CTTNBP2: variants seen among roughly 807,000 people sequenced by gnomAD.
The protein encoded by CTTNBP2 is cortactin-binding protein 2.
CTTNBP2 carries 108 observed loss-of-function variants against 156.9 expected under a neutral mutation model. That is an observed-to-expected ratio of 0.69 (90% CI 0.59 to 0.81). CTTNBP2 has a LOEUF of 0.81. Ranked by LOEUF, CTTNBP2 falls within the 30% of genes least tolerant of loss-of-function variation. CTTNBP2 has a pLI of 0.00. For synonymous variants in CTTNBP2, 767 were observed against 751.8 expected, an observed-to-expected ratio of 1.02 and a Z score of -0.33; for missense variants, 1,924 against 2,035.4, an observed-to-expected ratio of 0.95 and a Z score of 1.05.
At chr7:117,788,672 G>A (rs1210434882) in intron 4 of CTTNBP2, among the ~76,000 whole-genome samples, 1 of 152,118 alleles carries the variant, frequency 6.6e-6, no homozygotes, top group Non-Finnish European at 1.5e-5. Flanking sequence ...TATCTTATTT[G>A]GAAAGATCAG....
chr7:117,754,150 C>T (rs35205358), intron 12 of CTTNBP2, among the ~76,000 whole-genome samples: 30,034 of 152,136 alleles, frequency 0.2, 6,547 homozygotes, highest in African/African-American at 0.54. Context: ...TCAACCTAGA[C>T]ACATTTGTGT....
intron 1 of CTTNBP2, among the ~76,000 whole-genome samples, chr7:117,863,501 C>T (rs1057149947): frequency 6.6e-6 from 1 of 152,178 alleles, no homozygotes; most frequent in African/African-American, 2.4e-5. Context: ...TGTGAAAAAA[C>T]AAGCCACGGG....
chr7:117,847,886 T>C (rs1398340004), intron 2 of CTTNBP2, among the ~76,000 whole-genome samples: 5 of 147,090 alleles, frequency 3.4e-5, no homozygotes, highest in Non-Finnish European at 7.5e-5. Context: ...TGGTGTAATC[T>C]TGGCTCACAG....
At chr7:117,755,610 T>G (rs34491454) in intron 12 of CTTNBP2, 9,230 of 463,390 alleles carry the variant, frequency 0.02, 125 homozygotes, top group South Asian at 0.034. Context: ...TAGGGATGTT[T>G]TGAAGAATAA....
intron 12 of CTTNBP2, among the ~76,000 whole-genome samples, chr7:117,750,532 T>G (rs1182616578): frequency 6.6e-6 from 1 of 152,204 alleles, no homozygotes; most frequent in Non-Finnish European, 1.5e-5. Context: ...CATTCGTAGG[T>G]TTCTCTCCAT....
At chr7:117,755,138 CT>C (rs1452263608) in intron 12 of CTTNBP2, among the ~76,000 whole-genome samples, 1 of 152,154 alleles carries the variant, frequency 6.6e-6, no homozygotes, top group African/African-American at 2.4e-5. Flanking sequence ...TACTTTCATG[CT>C]TTTAGGAAGG....
chr7:117,873,336 G>A lies in CTTNBP2; in HGVS notation c.80C>T (p.Ala27Val). The change falls in exon 1 of 23, where the codon GCG (alanine) becomes GTG (valine). Residue 27 changes from alanine (A) to valine (V), a missense_variant and splice_region_variant. Coordinates refer to ENST00000160373, the MANE Select transcript of CTTNBP2 (RefSeq NM_033427.3). ...EDAAGAAAEA[A>V]KKEFDVDTLS... The stretch of plus-strand genomic sequence containing the variant: ...CGCCCGCCCCGGGAACTCGGTTACC[G>A]CCGCCTCCGCCGCGGCCCCCGCCGC... The A allele has an allele frequency of 2.1e-6, 3 of 1,443,652 alleles. No homozygotes were observed. The highest frequency in any genetic ancestry group is 2.7e-5 in the South Asian group (2 of 73,086). The allele number at this position is 1,443,652 out of a possible 1,614,324, so 89.4% of individuals were successfully genotyped here.
chr7:117,804,254 C>T (rs1252536149), intron 3 of CTTNBP2, among the ~76,000 whole-genome samples: 1 of 152,158 alleles, frequency 6.6e-6, no homozygotes, highest in African/African-American at 2.4e-5. Context: ...TGAGCCACTG[C>T]ACCCAACCAA....
Position 117,784,387 on chromosome 7 carries a change from G to A in CTTNBP2, c.2136C>T (p.Thr712=), listed in dbSNP as rs747657623. The change falls in exon 5 of 23, where the codon ACC becomes ACT. Residue 712 remains threonine, a synonymous_variant. Coordinates refer to ENST00000160373, the MANE Select transcript of CTTNBP2 (RefSeq NM_033427.3). ...GGPAPLAGRP[T]LLQQAAAQGN... is the part of the protein sequence containing the mutation. Reference sequence around the variant, plus strand: ...CCTGGGCAGCAGCTTGCTGAAGAAGGGTGGGCCTGCCAGCCAGGGGGGCAG... The same window carrying A: ...CCTGGGCAGCAGCTTGCTGAAGAAGAGTGGGCCTGCCAGCCAGGGGGGCAG... 3.1e-6 allele frequency: 5 copies of A among 1,613,320 alleles called. No individual in the cohort carries two copies. In the African/African-American group the frequency reaches 5.3e-5, roughly 17 times the overall value.
At chr7:117,759,756 G>C (rs899117201) in intron 10 of CTTNBP2, among the ~76,000 whole-genome samples, 1 of 152,160 alleles carries the variant, frequency 6.6e-6, no homozygotes, top group Non-Finnish European at 1.5e-5. Flanking sequence ...ACCACTGAAA[G>C]GACCTTTTAT....
intron 2 of CTTNBP2, among the ~76,000 whole-genome samples, chr7:117,828,755 T>C (rs1268583835): frequency 1.3e-5 from 2 of 152,238 alleles, no homozygotes; most frequent in African/African-American, 4.8e-5. Flanking sequence ...ACTGTCTATG[T>C]GTATACAATT....
intron 2 of CTTNBP2, among the ~76,000 whole-genome samples, chr7:117,817,333 CAAAA>C (rs1165563266): frequency 2.9e-4 from 8 of 27,186 alleles, no homozygotes; most frequent in Admixed American, 7.0e-4. Flanking sequence ...GACTCCATCT[CAAAA>C]AAAAAAAAAA....
At chr7:117,764,344 C>G (rs2116679104) in intron 9 of CTTNBP2, among the ~76,000 whole-genome samples, 1 of 152,294 alleles carries the variant, frequency 6.6e-6, no homozygotes, top group East Asian at 1.9e-4. Flanking sequence ...GCAGATACAG[C>G]TAAATACCTC....
chr7:117,720,984 G>T, intron 20 of CTTNBP2, 83 bp downstream of exon 20: 2 of 877,986 alleles, frequency 2.3e-6, no homozygotes, highest in South Asian at 1.4e-5. Context: ...ATTCAAATGA[G>T]AACATGGAAC....
chr7:117,859,532 G>T (rs1803568797), intron 2 of CTTNBP2, among the ~76,000 whole-genome samples: 1 of 152,152 alleles, frequency 6.6e-6, no homozygotes, highest in Admixed American at 6.5e-5. Context: ...CACAGCTGGA[G>T]CCCTTCACTT....
rs1429148920 is a variant in CTTNBP2, at chr7:117,726,813, G to T, written c.4055+1276C>A. Among the ~76,000 whole-genome samples, 3 of 152,306 alleles carry T rather than the reference G, an allele frequency of 2.0e-5. No individual in the cohort carries two copies. In the East Asian group the frequency reaches 5.8e-4, roughly 29 times the overall value. The stretch of plus-strand genomic sequence containing the variant: ...CACCCTGTGGGGCTTCAGGGATAAA[G>T]GGAATCTATGTAAAAGTGAAGCTCA... On this transcript the variant is annotated intron_variant, in intron 17 of 22. Transcript: ENST00000160373.
At chr7:117,757,574 C>T (rs1796957128) in intron 11 of CTTNBP2, among the ~76,000 whole-genome samples, 1 of 148,396 alleles carries the variant, frequency 6.7e-6, no homozygotes, top group Non-Finnish European at 1.5e-5. Flanking sequence ...TTAACACAGT[C>T]TCTGTCACTC....
At chr7:117,859,523 A>G (rs1218972794) in intron 2 of CTTNBP2, among the ~76,000 whole-genome samples, 1 of 152,218 alleles carries the variant, frequency 6.6e-6, no homozygotes, top group Non-Finnish European at 1.5e-5. Context: ...TATCTAAGGC[A>G]CAGCTGGAGC....
rs1273879055 is a variant in CTTNBP2, at chr7:117,784,305, A to G, written c.2218T>C (p.Ser740Pro). 1 of 1,613,986 alleles carries G rather than the reference A, an allele frequency of 6.2e-7. No homozygotes were observed. The highest frequency in any genetic ancestry group is 1.7e-5 in the Admixed American group (1 of 59,956). The change falls in exon 5 of 23, where the codon TCC becomes CCC. Residue 740 changes from serine (S) to proline (P), a missense_variant. Transcript: ENST00000160373. ...AAGGCAGAATGGCCATCTTCACAGG[A>G]GTAATTAATGTCCAGTCCTTCTTCA... Reference protein sequence around the residue: ...LNEEGLDINYSCEDGHSALYS... With the variant: ...LNEEGLDINYPCEDGHSALYS...
Sources: gnomAD v4.1 joint callset for allele counts (sites outside exome capture counted in the v4.1 genomes callset) on GRCh38, gnomAD v4.1.1 for gene constraint, MANE v1.5 for transcripts, NCBI Gene and HGNC (gene_info 2026-07-23, HGNC 2026-07-21) for gene names.